PCBP3: variants seen among roughly 807,000 people sequenced by gnomAD.
PCBP3 encodes the protein poly(rC)-binding protein 3.
A neutral mutation model predicts 52.7 loss-of-function variants in PCBP3; 25 were observed. That is an observed-to-expected ratio of 0.47 (90% CI 0.35 to 0.66). The LOEUF is 0.66. Ranked by LOEUF, PCBP3 falls within the 30% of genes least tolerant of loss-of-function variation. The probability of loss-of-function intolerance (pLI) is 0.01; values close to 1 mark genes in which losing one functional copy is unlikely to be tolerated. For synonymous variants in PCBP3, 162 were observed against 183.0 expected (o/e 0.89, Z 0.93); for missense variants, 391 against 490.3 (o/e 0.80, Z 1.91).
chr21:45,931,369 C>T (rs1268856022), intron 15 of PCBP3, among the ~76,000 whole-genome samples: 5 of 152,222 alleles, frequency 3.3e-5, no homozygotes, highest in African/African-American at 9.6e-5. Context: ...TGCACATGGC[C>T]GGTGCCACAG....
chr21:45,930,203 G>T (rs963949604), intron 14 of PCBP3, among the ~76,000 whole-genome samples: 1 of 152,212 alleles, frequency 6.6e-6, no homozygotes, highest in Non-Finnish European at 1.5e-5. Flanking sequence ...ACTGTTGGGG[G>T]CTGGTTCACC....
intron 4 of PCBP3, among the ~76,000 whole-genome samples, chr21:45,781,854 T>A (rs2090658296): frequency 6.6e-6 from 1 of 152,254 alleles, no homozygotes; most frequent in Admixed American, 6.5e-5. Flanking sequence ...ATATGTCAGT[T>A]ACCTGGCAAC....
intron 5 of PCBP3, among the ~76,000 whole-genome samples, chr21:45,891,103 T>G (rs1028299564): frequency 2.3e-4 from 35 of 152,256 alleles, no homozygotes; most frequent in African/African-American, 8.4e-4. Flanking sequence ...CTTTGTTTAC[T>G]GCTGAAGGGA....
chr21:45,801,230 T>C (rs1278111149), intron 4 of PCBP3, among the ~76,000 whole-genome samples: 1 of 152,208 alleles, frequency 6.6e-6, no homozygotes, highest in Non-Finnish European at 1.5e-5. Context: ...AGTGTTCTGA[T>C]GGCCAGCCTT....
chr21:45,898,975 G>C (rs764187880), intron 6 of PCBP3, among the ~76,000 whole-genome samples: 20 of 152,314 alleles, frequency 1.3e-4, no homozygotes, highest in Admixed American at 8.5e-4. Flanking sequence ...CGTCCTCACA[G>C]CCTCACCGAC....
chr21:45,796,741 G>A (rs190789806), intron 4 of PCBP3, among the ~76,000 whole-genome samples: 2 of 152,076 alleles, frequency 1.3e-5, no homozygotes, highest in African/African-American at 4.8e-5. Context: ...TTTTTTGTTA[G>A]CATGTTTTTA....
chr21:45,841,177 A>G (rs2093692196), intron 4 of PCBP3, among the ~76,000 whole-genome samples: 1 of 152,198 alleles, frequency 6.6e-6, no homozygotes, highest in Admixed American at 6.5e-5. Flanking sequence ...CTCAGAACGT[A>G]TTCTCGTCAT....
intron 2 of PCBP3, among the ~76,000 whole-genome samples, chr21:45,713,671 C>T (rs1217142706): frequency 6.6e-6 from 1 of 152,170 alleles, no homozygotes; most frequent in African/African-American, 2.4e-5. Context: ...GCATGGTGCA[C>T]GAGGGAGCAC....
intron 4 of PCBP3, among the ~76,000 whole-genome samples, chr21:45,810,730 G>C (rs1008763145): frequency 1.3e-5 from 2 of 152,102 alleles, no homozygotes; most frequent in Non-Finnish European, 2.9e-5. Context: ...TTTCTGAAAG[G>C]GTTTGTGTAA....
chr21:45,686,823 T>C lies in PCBP3; in HGVS notation c.-200+17871T>C, dbSNP rs534883802. 2.8e-4 allele frequency among the ~76,000 whole-genome samples: 42 copies of C among 151,750 alleles called. No individual in the cohort carries two copies. The South Asian group carries it at 8.7e-3, about 32-fold the overall frequency. Reference sequence around the variant, plus strand: ...GTAGAAGAAAAACAGCTGTATAACATAGAAATAGAAAAGACCCAAACTAAA... The same window carrying C: ...GTAGAAGAAAAACAGCTGTATAACACAGAAATAGAAAAGACCCAAACTAAA... On this transcript the variant is annotated intron_variant, in intron 2 of 17. Transcript: ENST00000681687.
At chr21:45,931,206 G>A (rs1171719174) in intron 15 of PCBP3, among the ~76,000 whole-genome samples, 1 of 152,248 alleles carries the variant, frequency 6.6e-6, no homozygotes, top group African/African-American at 2.4e-5. Context: ...GCATTAAAAT[G>A]TTCATTCCTC....
chr21:45,652,463 C>T (rs1264168926), intron 1 of PCBP3, among the ~76,000 whole-genome samples: 27 of 135,798 alleles, frequency 2.0e-4, no homozygotes, highest in Non-Finnish European at 2.6e-4. Context: ...TTTTTTGAGA[C>T]GGAGTCTTGC....
intron 4 of PCBP3, among the ~76,000 whole-genome samples, chr21:45,832,000 C>T (rs994712794): frequency 1.3e-5 from 2 of 152,072 alleles, no homozygotes; most frequent in Admixed American, 6.6e-5. Flanking sequence ...TGTGAGCCAC[C>T]GCAGCCAGCC....
In PCBP3 at chr21:45,880,095, C is replaced by T. The variant is rs768359080; in HGVS notation, c.11-16113C>T. Among the ~76,000 whole-genome samples, 1 of 152,176 alleles carries T rather than the reference C, an allele frequency of 6.6e-6. No individual in the cohort carries two copies. Among genetic ancestry groups the T allele is most frequent in the Non-Finnish European group, 1.5e-5 (1 of 68,032 alleles). On this transcript the variant is annotated intron_variant, in intron 5 of 17. Transcript: ENST00000681687. This position sits in a 1 kb window ranked among gnomAD's most constrained non-coding sequence, Gnocchi z 5.4. ...TTGTTGTGTGGCGTGAGAGTCCATC[C>T]TGGTTTCGTGGCATTTTTCTCTGCA...
chr21:45,898,609 A>C, intron 6 of PCBP3, among the ~76,000 whole-genome samples: 1 of 96,408 alleles, frequency 1.0e-5, no homozygotes. Context: ...GCCCCTCTAC[A>C]CACCGTCCTC....
chr21:45,849,512 G>T (rs1329226381), intron 4 of PCBP3, among the ~76,000 whole-genome samples: 1 of 151,994 alleles, frequency 6.6e-6, no homozygotes, highest in African/African-American at 2.4e-5. Flanking sequence ...AACCTCAAAT[G>T]TGCCTTTTTT....
At chr21:45,662,079 A>C (rs541533293) in intron 1 of PCBP3, among the ~76,000 whole-genome samples, 6 of 152,028 alleles carry the variant, frequency 3.9e-5, no homozygotes, top group Admixed American at 3.3e-4. Flanking sequence ...CCCATTCTGC[A>C]GGTTGTCTCT....
chr21:45,852,518 T>C (rs111640596), intron 5 of PCBP3, among the ~76,000 whole-genome samples: 1 of 116,936 alleles, frequency 8.6e-6, no homozygotes, highest in Non-Finnish European at 1.7e-5. Flanking sequence ...ACCCTGACTT[T>C]TGTTCAGAAG....
In PCBP3 at chr21:45,786,133, AAAAT is replaced by A. The variant is rs144726993; in HGVS notation, c.-126+30702_-126+30705del. Among the ~76,000 whole-genome samples the A allele has an allele frequency of 1.6e-3, 235 of 147,896 alleles. 1 individual carries two copies. Among genetic ancestry groups the A allele is most frequent in the Middle Eastern group, 0.014 (4 of 290 alleles). On this transcript the variant is annotated intron_variant, in intron 4 of 17. Transcript: ENST00000681687. ...GAAACACCCAAGAATGATCAATAAA[AAAAT>A]AAATAAATAAATAAATAAATCATAT...
Sources: gnomAD v4.1 joint callset for allele counts (sites outside exome capture counted in the v4.1 genomes callset) on GRCh38, gnomAD v4.1.1 for gene constraint, Gnocchi (gnomAD v3.1) non-coding constraint, MANE v1.5 for transcripts, NCBI Gene and HGNC (gene_info 2026-07-23, HGNC 2026-07-21) for gene names.